Variants in MYO16 observed in about 807,000 individuals in gnomAD.
The protein encoded by MYO16 is myosin XVI.
Under a neutral mutation model 205.3 loss-of-function variants are expected in MYO16, and 94 were observed. The ratio of observed to expected loss-of-function variants is 0.46; its 90% CI spans 0.39 to 0.54. The LOEUF is 0.54. Ranked by LOEUF, MYO16 falls within the 20% of genes least tolerant of loss-of-function variation. MYO16 has a pLI of 0.00. For missense variants in MYO16, 2,315 were observed against 2,387.5 expected (o/e 0.97, Z 0.63); for synonymous variants, 988 against 954.0 (o/e 1.04, Z -0.66).
chr13:108,837,988 T>C (rs1226091864), intron 9 of MYO16, among the ~76,000 whole-genome samples: 1 of 151,996 alleles, frequency 6.6e-6, no homozygotes, highest in Non-Finnish European at 1.5e-5. Context: ...TTTATAAAAC[T>C]CTCTGATAAA....
intron 32 of MYO16, 106 bp from the exon 33 acceptor site, chr13:109,164,795 T>A: frequency 1.7e-6 from 1 of 578,578 alleles, no homozygotes; most frequent in Non-Finnish European, 2.6e-6. Flanking sequence ...ATTTTAAATG[T>A]CATGAATGTT....
At chr13:109,071,728 G>A (rs9555552) in intron 27 of MYO16, among the ~76,000 whole-genome samples, 29,842 of 151,606 alleles carry the variant, frequency 0.2, 3,010 homozygotes, top group East Asian at 0.28. Context: ...TTTAATTAAC[G>A]ATGACCTACA....
rs1247706483 is a variant in MYO16, at chr13:109,127,552, T to G, written c.4051+2T>G. ...CGGCCAGGGAAGCGGCCAACGAAGG[T>G]CAGCCCTGGGGAGGGACCCAGCCTC... On this transcript the variant is annotated splice_donor_variant, in intron 31 of 34. Transcript: ENST00000457511. LOFTEE classifies it high-confidence loss of function. This position sits in a 1 kb window ranked among gnomAD's most constrained non-coding sequence, Gnocchi z 4.2. 1.2e-6 allele frequency: 2 copies of G among 1,608,742 alleles called. No homozygotes were observed. Among genetic ancestry groups the G allele is most frequent in the Non-Finnish European group, 1.7e-6 (2 of 1,179,704 alleles).
At chr13:108,853,343 A>G (rs1182230848) in intron 10 of MYO16, among the ~76,000 whole-genome samples, 4 of 152,230 alleles carry the variant, frequency 2.6e-5, no homozygotes, top group East Asian at 3.8e-4. Flanking sequence ...TTTTGGCTGC[A>G]ACTCCTGAAC....
chr13:108,567,271 C>T, the MYO16 span, among the ~76,000 whole-genome samples: 7 of 152,012 alleles, frequency 4.6e-5, no homozygotes, highest in African/African-American at 1.7e-4. Context: ...AAAGAATGAA[C>T]AAAACTTGAT....
At chr13:108,640,361 CA>C (rs1880450015) in intron 1 of MYO16, among the ~76,000 whole-genome samples, 1 of 152,008 alleles carries the variant, frequency 6.6e-6, no homozygotes, top group Non-Finnish European at 1.5e-5. Flanking sequence ...AGAGCAGGGC[CA>C]GGGGAGAGGA....
At chr13:108,688,056 A>T (rs923782469) in intron 2 of MYO16, among the ~76,000 whole-genome samples, 2 of 152,078 alleles carry the variant, frequency 1.3e-5, no homozygotes, top group African/African-American at 4.8e-5. Context: ...TGTAGAGTTT[A>T]CTCTTAGAGC....
chr13:108,909,299 T>G (rs9521095), intron 15 of MYO16, among the ~76,000 whole-genome samples: 48,649 of 151,458 alleles, frequency 0.32, 8,635 homozygotes, highest in Non-Finnish European at 0.41. Flanking sequence ...TGTAAAGTTT[T>G]GAAAACAGAG....
At chr13:109,108,131 T>C (rs556900515) in intron 28 of MYO16, among the ~76,000 whole-genome samples, 1 of 152,328 alleles carries the variant, frequency 6.6e-6, no homozygotes, top group South Asian at 2.1e-4. Flanking sequence ...CTTTCCACAC[T>C]TAACTTCCTG....
intron 4 of MYO16, among the ~76,000 whole-genome samples, chr13:108,774,537 A>T (rs1360090997): frequency 6.6e-6 from 1 of 152,194 alleles, no homozygotes; most frequent in Non-Finnish European, 1.5e-5. Context: ...TCTGATGAAA[A>T]TCAATTATGA....
intron 12 of MYO16, among the ~76,000 whole-genome samples, chr13:108,881,546 G>A (rs1433987050): frequency 2.0e-5 from 3 of 152,036 alleles, no homozygotes; most frequent in South Asian, 2.1e-4. Flanking sequence ...TAAAAACCTC[G>A]AAAAAAGATT....
At chr13:109,201,448 C>CTCTT (rs1880386757) in intron 34 of MYO16, 1 of 139,114 alleles carries the variant, frequency 7.2e-6, no homozygotes, top group East Asian at 2.2e-4. Flanking sequence ...TGTTAATTCC[C>CTCTT]TCTTACATTT....
rs1594118186 is a variant in MYO16 at position 109,140,189 on chromosome 13, G to A, written c.4052-75G>A. ...GGGGCACGGGGCCGTGGCTCCCTCCGAGTCGAGCCCCGGGCTTGGTGGGCA... is the reference window on the plus strand; with the variant it reads ...GGGGCACGGGGCCGTGGCTCCCTCCAAGTCGAGCCCCGGGCTTGGTGGGCA... On this transcript the variant is annotated intron_variant, in intron 31 of 34. Transcript: ENST00000457511. This position sits in a 1 kb window ranked among gnomAD's most constrained non-coding sequence, Gnocchi z 8.0. The A allele has an allele frequency of 6.4e-6, 10 of 1,557,176 alleles. No individual in the cohort carries two copies. The highest frequency in any genetic ancestry group is 3.6e-5 in the Admixed American group (2 of 54,848).
At chr13:108,645,813 T>G (rs1880728574) in intron 1 of MYO16, among the ~76,000 whole-genome samples, 1 of 152,186 alleles carries the variant, frequency 6.6e-6, no homozygotes, top group Non-Finnish European at 1.5e-5. Flanking sequence ...CACATCTACC[T>G]TGTACATTCT....
intron 16 of MYO16, among the ~76,000 whole-genome samples, chr13:108,947,434 TC>T (rs1413880369): frequency 1.3e-5 from 2 of 152,156 alleles, no homozygotes; most frequent in African/African-American, 4.8e-5. Flanking sequence ...CAGATGCAGC[TC>T]CCCAGGCCTT....
In MYO16 at chr13:108,666,168, G is replaced by A. The variant is rs759462702; in HGVS notation, c.292+19G>A. 1 of 1,570,954 alleles carries A rather than the reference G, an allele frequency of 6.4e-7. No individual in the cohort carries two copies. Among genetic ancestry groups the A allele is most frequent in the Non-Finnish European group, 8.7e-7 (1 of 1,151,176 alleles). On this transcript the variant is annotated intron_variant, in intron 2 of 34. Coordinates refer to ENST00000457511, the MANE Select transcript of MYO16 (RefSeq NM_001198950.3). ...AAAGAAGGTACATGATAAGAAAGAA[G>A]GACCCGTTTTCTGATGTGATTTTTC...
chr13:109,181,568 C>T (rs1047062709), intron 34 of MYO16, among the ~76,000 whole-genome samples: 2 of 152,166 alleles, frequency 1.3e-5, no homozygotes, highest in African/African-American at 2.4e-5. Flanking sequence ...TCTATATTTT[C>T]ATTAGCCTCA....
At chr13:108,546,574 T>C in the MYO16 span, among the ~76,000 whole-genome samples, 1 of 152,182 alleles carries the variant, frequency 6.6e-6, no homozygotes, top group Non-Finnish European at 1.5e-5. Context: ...ATTTCCACAG[T>C]TGCTCTCTGA....
At chr13:108,832,274 C>CT (rs1876664652) in intron 9 of MYO16, among the ~76,000 whole-genome samples, 1 of 151,446 alleles carries the variant, frequency 6.6e-6, no homozygotes, top group African/African-American at 2.4e-5. Context: ...TCTTGAGTAG[C>CT]TGGGATTATA....
Sources: gnomAD v4.1 joint callset for allele counts (sites outside exome capture counted in the v4.1 genomes callset) on GRCh38, gnomAD v4.1.1 for gene constraint, Gnocchi (gnomAD v3.1) non-coding constraint, MANE v1.5 for transcripts, NCBI Gene and HGNC (gene_info 2026-07-23, HGNC 2026-07-21) for gene names.